SRC: variants seen among roughly 807,000 people sequenced by gnomAD.
SRC encodes the protein proto-oncogene tyrosine-protein kinase Src.
SRC carries 13 observed loss-of-function variants against 62.9 expected under a neutral mutation model. That is an observed-to-expected ratio of 0.21 (90% CI 0.13 to 0.33). The LOEUF (loss-of-function observed/expected upper bound fraction) is 0.33, where lower values mean the gene tolerates loss of function less well. Ranked by LOEUF, SRC falls within the 10% of genes least tolerant of loss-of-function variation. The pLI, the probability that SRC is intolerant of heterozygous loss-of-function variation, is 1.00. For missense variants in SRC, 457 were observed against 737.3 expected (o/e 0.62, Z 4.40); for synonymous variants, 302 against 317.5 (o/e 0.95, Z 0.52).
intron 2 of SRC, among the ~76,000 whole-genome samples, chr20:37,365,683 C>G (rs2070052634): frequency 6.6e-6 from 1 of 152,006 alleles, no homozygotes; most frequent in Non-Finnish European, 1.5e-5. Flanking sequence ...ATCCTGGGCT[C>G]AAACGATCCT....
At chr20:37,353,201 A>G (rs1285381337) in intron 1 of SRC, among the ~76,000 whole-genome samples, 2 of 152,202 alleles carry the variant, frequency 1.3e-5, no homozygotes, top group Admixed American at 6.5e-5. Context: ...TGTGTGGCAG[A>G]TGAGGAAACT....
intron 5 of SRC, among the ~76,000 whole-genome samples, chr20:37,392,028 C>T (rs370185390): frequency 4.8e-4 from 73 of 152,148 alleles, no homozygotes; most frequent in East Asian, 3.1e-3. Context: ...GTGGACACCC[C>T]GGGTGGGTGT....
At chr20:37,392,292 AG>A (rs2070563842) in intron 5 of SRC, among the ~76,000 whole-genome samples, 1 of 152,176 alleles carries the variant, frequency 6.6e-6, no homozygotes, top group African/African-American at 2.4e-5. Context: ...CCAGTGTCTC[AG>A]GTGCTCACCT....
intron 2 of SRC, among the ~76,000 whole-genome samples, chr20:37,367,835 G>C (rs2070088093): frequency 6.6e-6 from 1 of 151,842 alleles, no homozygotes; most frequent in Non-Finnish European, 1.5e-5. Context: ...GTTTTAGTAG[G>C]GGTCTCACTA....
chr20:37,384,543 C>CGG lies in SRC; in HGVS notation c.250+145_250+146dup, dbSNP rs1242378998. 9 of 165,146 alleles carry CGG rather than the reference C, an allele frequency of 5.4e-5. No homozygotes were observed. Among genetic ancestry groups the CGG allele is most frequent in the Admixed American group, 1.5e-4 (1 of 6,850 alleles). 10.2% of individuals were successfully genotyped at this position (165,146 alleles called of 1,614,324 possible). The stretch of plus-strand genomic sequence containing the variant: ...AGCGCCCCTGGGTGACTTGGGTGTC[C>CGG]GGGGGGTGGGGGGGCGGCCGTACAC... On this transcript the variant is annotated intron_variant, in intron 4 of 13. Coordinates refer to ENST00000373578, the MANE Select transcript of SRC (RefSeq NM_198291.3). The surrounding 1 kb of genome is among the most constrained non-coding windows in gnomAD (Gnocchi z 6.7).
chr20:37,403,240 C>A lies in SRC; in HGVS notation c.1472C>A (p.Pro491His). ...GYRMPCPPEC[P>H]ESLHDLMCQC... ...CGGATGCCCTGCCCGCCGGAGTGTC[C>A]CGAGTCCCTGCACGACCTCATGTGC... Residue 491 changes from proline to histidine, a missense_variant, in exon 14 of 14, where the codon CCC (proline) becomes CAC (histidine). By Grantham distance (77) the Pro-to-His change is moderately conservative. Coordinates refer to ENST00000373578, the MANE Select transcript of SRC (RefSeq NM_198291.3). The surrounding 1 kb of genome is among the most constrained non-coding windows in gnomAD (Gnocchi z 7.1). 6.3e-7 allele frequency: 1 copy of A among 1,584,992 alleles called. No individual in the cohort carries two copies. Among genetic ancestry groups the A allele is most frequent in the East Asian group, 2.3e-5 (1 of 43,546 alleles).
Position 37,384,389 on chromosome 20 carries a change from C to T in SRC, c.236C>T (p.Ala79Val), listed in dbSNP as rs764609637. The change falls in exon 4 of 14, where the codon GCG becomes GTG. Residue 79 changes from alanine to valine, a missense_variant. Ala to Val is a moderately conservative substitution (Grantham distance 64). Around this residue, in one of 4 missense-constraint regions of SRC, gnomAD observed 132 missense variants for 135.4 expected, o/e 0.98. Transcript: ENST00000373578. This position sits in a 1 kb window ranked among gnomAD's most constrained non-coding sequence, Gnocchi z 6.7. The part of the protein sequence containing the change: ...SSDTVTSPQR[A>V]GPLAGGVTTF... ...GACACCGTCACCTCCCCGCAGAGGGCGGGCCCGCTGGCCGGTCAGTGCGCG... is the reference window on the plus strand; with the variant it reads ...GACACCGTCACCTCCCCGCAGAGGGTGGGCCCGCTGGCCGGTCAGTGCGCG... The T allele has an allele frequency of 3.5e-6, 5 of 1,431,070 alleles. No homozygotes were observed. The East Asian group carries it at 9.4e-5, about 27-fold the overall frequency. 88.6% of individuals were successfully genotyped at this position (1,431,070 alleles called of 1,614,324 possible).
chr20:37,380,277 G>C (rs1216069143), intron 2 of SRC, among the ~76,000 whole-genome samples: 1 of 152,086 alleles, frequency 6.6e-6, no homozygotes, highest in African/African-American at 2.4e-5. Context: ...AGATCCCTGG[G>C]GGTAGGAGGT....
At position 37,386,022 on chromosome 20, in the gene SRC, G is replaced by A. The variant is rs540214618; in HGVS notation, c.251-53G>A. 6.1e-4 allele frequency: 890 copies of A among 1,451,532 alleles called. 7 individuals carry two copies. The African/African-American group carries it at 0.011, about 18-fold the overall frequency. The allele number at this position is 1,451,532 out of a possible 1,614,324, so 89.9% of individuals were successfully genotyped here. On this transcript the variant is annotated intron_variant, in intron 4 of 13. Coordinates refer to ENST00000373578, the MANE Select transcript of SRC (RefSeq NM_198291.3). ...CTGGGTACAGGGCCATCCTGCCCAT[G>A]CCTTCCCTGGCTGTGGCCCCACTGT...
In SRC at chr20:37,398,508, A is replaced by G. The variant is rs1238808063; in HGVS notation, c.859+654A>G. 1.3e-5 allele frequency among the ~76,000 whole-genome samples: 2 copies of G among 152,186 alleles called. No homozygotes were observed. Among genetic ancestry groups the G allele is most frequent in the Non-Finnish European group, 1.5e-5 (1 of 68,020 alleles). ...GGTGCGCTGTTTTCAAGGTGGTTTCATCTGAGCCGCATCTCCACTCACTCC... is the reference window on the plus strand; with the variant it reads ...GGTGCGCTGTTTTCAAGGTGGTTTCGTCTGAGCCGCATCTCCACTCACTCC... On this transcript the variant is annotated intron_variant, in intron 9 of 13. Transcript: ENST00000373578. The surrounding 1 kb of genome is among the most constrained non-coding windows in gnomAD (Gnocchi z 5.2).
chr20:37,396,417 T>C lies in SRC; in HGVS notation c.703+106T>C, dbSNP rs28763883. 0.069 allele frequency: 94,057 copies of C among 1,355,010 alleles called. 8,197 individuals carry two copies. The highest frequency in any genetic ancestry group is 0.4 in the African/African-American group (27,621 of 68,966). 83.9% of individuals were successfully genotyped at this position (1,355,010 alleles called of 1,614,324 possible). ...GGGTGGGGACTTCTGTTATCCTGCTTCTCTCCCCACTTCCCCCTCCCCCCT... is the reference window on the plus strand; with the variant it reads ...GGGTGGGGACTTCTGTTATCCTGCTCCTCTCCCCACTTCCCCCTCCCCCCT... On this transcript the variant is annotated intron_variant, in intron 8 of 13. Transcript: ENST00000373578. This position sits in a 1 kb window ranked among gnomAD's most constrained non-coding sequence, Gnocchi z 6.1.
At chr20:37,388,895 G>A (rs555124384) in intron 5 of SRC, among the ~76,000 whole-genome samples, 2 of 152,222 alleles carry the variant, frequency 1.3e-5, no homozygotes, top group South Asian at 4.1e-4. Flanking sequence ...CCGGGGACCC[G>A]CCTGCATGCA....
intron 2 of SRC, among the ~76,000 whole-genome samples, chr20:37,371,273 C>T (rs1378086797): frequency 6.6e-6 from 1 of 152,126 alleles, no homozygotes; most frequent in African/African-American, 2.4e-5. Context: ...GGATTACAGG[C>T]GTGAGCCACC....
In SRC at chr20:37,404,776, C is replaced by G. The variant is rs2070799315; in HGVS notation, c.*1397C>G. 1 of 233,376 alleles carries G rather than the reference C, an allele frequency of 4.3e-6. No homozygotes were observed. 14.5% of individuals were successfully genotyped at this position (233,376 alleles called of 1,614,324 possible). On this transcript the variant is annotated 3_prime_UTR_variant, in exon 14 of 14. Coordinates refer to ENST00000373578, the MANE Select transcript of SRC (RefSeq NM_198291.3). ...GACATCAGGAGACTGGGCTCTGGCT[C>G]TGTTCGGCCTTTGGGTGTGTGGTGG...
At chr20:37,357,950 C>T (rs182732695) in intron 1 of SRC, among the ~76,000 whole-genome samples, 36 of 152,044 alleles carry the variant, frequency 2.4e-4, no homozygotes, top group Non-Finnish European at 4.1e-4. Context: ...TGGAGTAGAG[C>T]GAGGGGAGGG....
intron 11 of SRC, 60 bp downstream of exon 11, chr20:37,401,738 G>A (rs2147122152): frequency 1.5e-6 from 2 of 1,351,004 alleles, no homozygotes; most frequent in Middle Eastern, 2.4e-4. Context: ...GACCCATCTG[G>A]TGCAGCCAGT....
At chr20:37,382,947 G>C (rs2070387263) in intron 3 of SRC, among the ~76,000 whole-genome samples, 161 bp downstream of exon 3, 2 of 152,168 alleles carry the variant, frequency 1.3e-5, no homozygotes, top group African/African-American at 4.8e-5. Context: ...GGTTTACTCT[G>C]TGTTTCCGTC....
At chr20:37,360,481 C>T in intron 1 of SRC, among the ~76,000 whole-genome samples, 1 of 152,102 alleles carries the variant, frequency 6.6e-6, no homozygotes, top group East Asian at 1.9e-4. Context: ...AGTGATCCTC[C>T]TGCCTCTGCC....
At chr20:37,395,154 G>T (rs1462699232) in intron 7 of SRC, among the ~76,000 whole-genome samples, 1 of 152,234 alleles carries the variant, frequency 6.6e-6, no homozygotes, top group Non-Finnish European at 1.5e-5. Context: ...GTTGCCTAAG[G>T]CAGGCTTTGA....
Sources: gnomAD v4.1 joint callset for allele counts (sites outside exome capture counted in the v4.1 genomes callset) on GRCh38, gnomAD v4.1.1 for gene constraint, gnomAD v4.1.1 regional missense constraint, Gnocchi (gnomAD v3.1) non-coding constraint, MANE v1.5 for transcripts, NCBI Gene and HGNC (gene_info 2026-07-23, HGNC 2026-07-21) for gene names.